Variants in PMVK observed in about 807,000 individuals in gnomAD.
PMVK encodes the protein phosphomevalonate kinase.
A neutral mutation model predicts 19.0 loss-of-function variants in PMVK; 10 were observed. The observed-to-expected ratio is 0.53, with a 90% CI of 0.32 to 0.89. The LOEUF (loss-of-function observed/expected upper bound fraction) is 0.89, where lower values mean the gene tolerates loss of function less well. Ranked by LOEUF, PMVK falls within the 40% of genes least tolerant of loss-of-function variation. The pLI, the probability that PMVK is intolerant of heterozygous loss-of-function variation, is 0.03. For missense variants in PMVK, 222 were observed against 251.1 expected (o/e 0.88, Z 0.78); for synonymous variants, 108 against 101.6 (o/e 1.06, Z -0.38).
At chr1:154,928,476 A>C (rs948597234) in intron 3 of PMVK, among the ~76,000 whole-genome samples, 2 of 152,230 alleles carry the variant, frequency 1.3e-5, no homozygotes, top group Non-Finnish European at 2.9e-5. Flanking sequence ...TCACGTTTTT[A>C]AAAGGTCAGT....
At chr1:154,939,040 C>T (rs895292916), upstream of PMVK, among the ~76,000 whole-genome samples, 1 of 152,174 alleles carries the variant, frequency 6.6e-6, no homozygotes, top group Admixed American at 6.5e-5. Flanking sequence ...TTTTCTGAGA[C>T]TCAGCCACTG....
chr1:154,932,223 C>A, intron 2 of PMVK, 129 bp downstream of exon 2: 1 of 724,816 alleles, frequency 1.4e-6, no homozygotes, highest in Non-Finnish European at 2.5e-6. Context: ...CACAGAAAAC[C>A]AAGAGCTGGC....
upstream of PMVK, among the ~76,000 whole-genome samples, chr1:154,940,404 A>C (rs1461043235): frequency 1.3e-5 from 2 of 152,132 alleles, no homozygotes; most frequent in East Asian, 3.9e-4. Context: ...TGCTCTGGAG[A>C]GGAAGTGGAG....
chr1:154,938,255 C>T (rs1654571739), upstream of PMVK, among the ~76,000 whole-genome samples: 1 of 152,228 alleles, frequency 6.6e-6, no homozygotes, highest in Non-Finnish European at 1.5e-5. Context: ...ATGCACGCCC[C>T]TTACCTCCCT....
Position 154,926,359 on chromosome 1 carries a change from G to A in PMVK, c.437C>T (p.Thr146Met), listed in dbSNP as rs371913341. 8.1e-6 allele frequency: 13 copies of A among 1,612,716 alleles called. No individual in the cohort carries two copies. The East Asian group carries it at 1.1e-4, about 14-fold the overall frequency. Residue 146 changes from threonine (T) to methionine (M), a missense_variant, in exon 4 of 5, where the codon ACG (threonine) becomes ATG (methionine). Coordinates refer to ENST00000368467, the MANE Select transcript of PMVK (RefSeq NM_006556.4). ...QSRQQRGWVF[T>M]PGVDDAESEC... ...CTACACATAGAGTGGCTCACCTGGC[G>A]TGAACACCCAGCCCCGCTGCTGTCG...
At position 154,924,963 on chromosome 1, in the gene PMVK, G is replaced by A. The variant is rs1480908649; in HGVS notation, c.*166C>T. 8 of 690,248 alleles carry A rather than the reference G, an allele frequency of 1.2e-5. No individual in the cohort carries two copies. Among genetic ancestry groups the A allele is most frequent in the Admixed American group, 4.9e-5 (2 of 40,968 alleles). The allele number at this position is 690,248 out of a possible 1,614,324, so 42.8% of individuals were successfully genotyped here. On this transcript the variant is annotated 3_prime_UTR_variant, in exon 5 of 5. Coordinates refer to ENST00000368467, the MANE Select transcript of PMVK (RefSeq NM_006556.4). ...GCTGTCTTCCCCATGGAGAAAATGA[G>A]GTCTCCAGAGGTTTCCTGCCTTGCC...
intron 2 of PMVK, among the ~76,000 whole-genome samples, chr1:154,930,915 A>G (rs1220709487): frequency 2.0e-5 from 3 of 151,426 alleles, no homozygotes; most frequent in Non-Finnish European, 2.9e-5. Context: ...TGAGACTCCC[A>G]TCTCTACAAA....
chr1:154,929,664 C>T (rs568545115), intron 2 of PMVK, among the ~76,000 whole-genome samples: 184 of 152,158 alleles, frequency 1.2e-3, no homozygotes, highest in Non-Finnish European at 2.3e-3. Flanking sequence ...TCCCCAAATT[C>T]CTGGCGCCTT....
chr1:154,933,863 G>A (rs1343735983), intron 1 of PMVK, among the ~76,000 whole-genome samples: 1 of 151,930 alleles, frequency 6.6e-6, no homozygotes, highest in Non-Finnish European at 1.5e-5. Context: ...GCACCATCTC[G>A]TCTCACCACA....
Position 154,925,080 on chromosome 1 carries a change from GCCCCAC to G in PMVK, c.*43_*48del. ...GGGACACCCCCATTTTGCAGAGTCA[GCCCCAC>G]CCCCACCTCAGCAGGCCCCAGCTCA... is the stretch of plus-strand genomic sequence containing the variant. On this transcript the variant is annotated 3_prime_UTR_variant, in exon 5 of 5. Coordinates refer to ENST00000368467, the MANE Select transcript of PMVK (RefSeq NM_006556.4). The G allele has an allele frequency of 3.4e-6, 5 of 1,459,180 alleles. No homozygotes were observed. The highest frequency in any genetic ancestry group is 4.6e-6 in the Non-Finnish European group (5 of 1,076,420). The allele number at this position is 1,459,180 out of a possible 1,614,324, so 90.4% of individuals were successfully genotyped here.
chr1:154,926,381 G>A lies in PMVK; in HGVS notation c.415C>T (p.Gln139Ter), dbSNP rs1241290190. 6.2e-7 allele frequency: 1 copy of A among 1,613,614 alleles called. No homozygotes were observed. Among genetic ancestry groups the A allele is most frequent in the Admixed American group, 1.7e-5 (1 of 60,000 alleles). Residue 139 changes from glutamine (Q) to a stop codon, truncating the protein, a stop_gained, in exon 4 of 5, where the codon CAG becomes TAG. Transcript: ENST00000368467. LOFTEE classifies it high-confidence loss of function. The stretch of plus-strand genomic sequence containing the variant: ...GGCGTGAACACCCAGCCCCGCTGCT[G>A]TCGGCTCTGCTCCAACGCTACAACG... ...VRVVALEQSR[Q>*]QRGWVFTPGV...
intron 1 of PMVK, among the ~76,000 whole-genome samples, chr1:154,934,787 C>T (rs770956656): frequency 2.0e-4 from 31 of 151,980 alleles, no homozygotes; most frequent in Non-Finnish European, 5.9e-5. Context: ...AGGCCAGGTG[C>T]GGTGGTGGTT....
chr1:154,932,761 A>G (rs922186880), intron 1 of PMVK, among the ~76,000 whole-genome samples: 2 of 152,248 alleles, frequency 1.3e-5, no homozygotes, highest in Admixed American at 1.3e-4. Flanking sequence ...TCTCATAGCC[A>G]GAGGTATCTG....
chr1:154,926,334 C>G lies in PMVK; in HGVS notation c.442+20G>C, dbSNP rs1163639700. On this transcript the variant is annotated intron_variant, in intron 4 of 4. Coordinates refer to ENST00000368467, the MANE Select transcript of PMVK (RefSeq NM_006556.4). ...TGGGTAGCCTGTGTCCTCCTGTGCC[C>G]TACACATAGAGTGGCTCACCTGGCG... is the stretch of plus-strand genomic sequence containing the variant. The G allele has an allele frequency of 6.2e-7, 1 of 1,610,162 alleles. No individual in the cohort carries two copies. Among genetic ancestry groups the G allele is most frequent in the Non-Finnish European group, 8.5e-7 (1 of 1,178,144 alleles).
upstream of PMVK, among the ~76,000 whole-genome samples, chr1:154,940,425 A>T (rs1406388067): frequency 6.6e-6 from 1 of 152,144 alleles, no homozygotes; most frequent in Non-Finnish European, 1.5e-5. Context: ...GGTGGGGGGA[A>T]TGGTGAGGAT....
chr1:154,936,450 C>T, intron 1 of PMVK, 141 bp downstream of exon 1: 2 of 1,463,200 alleles, frequency 1.4e-6, no homozygotes. Context: ...GGTGGCATTC[C>T]ACCTTCCCCA....
upstream of PMVK, among the ~76,000 whole-genome samples, chr1:154,939,414 A>G (rs1654594415): frequency 1.3e-5 from 2 of 152,034 alleles, no homozygotes; most frequent in Admixed American, 6.6e-5. Flanking sequence ...GGCCCGGTGC[A>G]GTGGCTCATG....
upstream of PMVK, among the ~76,000 whole-genome samples, chr1:154,939,976 T>C (rs1355566390): frequency 1.3e-5 from 2 of 151,784 alleles, no homozygotes; most frequent in Non-Finnish European, 2.9e-5. Context: ...AAGGTCTTGC[T>C]ATGTTTCCCA....
At chr1:154,939,541 A>C (rs12046459), upstream of PMVK, among the ~76,000 whole-genome samples, 78,758 of 150,154 alleles carry the variant, frequency 0.52, 21,862 homozygotes, top group East Asian at 0.88. Context: ...AAAAAAAAAA[A>C]ACAAAACAGC....
Sources: gnomAD v4.1 joint callset for allele counts (sites outside exome capture counted in the v4.1 genomes callset) on GRCh38, gnomAD v4.1.1 for gene constraint, MANE v1.5 for transcripts, NCBI Gene and HGNC (gene_info 2026-07-23, HGNC 2026-07-21) for gene names.